Variants in ERBB4 observed in about 807,000 individuals in gnomAD.
ERBB4 encodes the protein erb-b2 receptor tyrosine kinase 4.
In ERBB4, 42 loss-of-function variants were observed where a neutral mutation model predicts 158.0. The observed-to-expected ratio is 0.27, with a 90% CI of 0.21 to 0.34. The LOEUF (loss-of-function observed/expected upper bound fraction) is 0.34. Among genes scored for constraint, ERBB4 ranks in the 10% least tolerant of loss-of-function variants. The pLI is 1.00. For synonymous variants in ERBB4, 583 were observed against 558.7 expected (o/e 1.04, Z -0.61); for missense variants, 1,333 against 1,624.1 (o/e 0.82, Z 3.08).
At chr2:211,838,068 T>C (rs1393034482) in intron 3 of ERBB4, among the ~76,000 whole-genome samples, 1 of 151,956 alleles carries the variant, frequency 6.6e-6, no homozygotes, top group Non-Finnish European at 1.5e-5. Flanking sequence ...GTAATGACTG[T>C]GAAATCAGAG....
chr2:212,423,080 A>G (rs1220060086), intron 1 of ERBB4, among the ~76,000 whole-genome samples: 2 of 152,154 alleles, frequency 1.3e-5, no homozygotes, highest in Non-Finnish European at 1.5e-5. Flanking sequence ...TGAAAAATGT[A>G]AAGTAATCTG....
At chr2:211,472,634 C>G (rs2064855819) in intron 20 of ERBB4, among the ~76,000 whole-genome samples, 1 of 151,780 alleles carries the variant, frequency 6.6e-6, no homozygotes, top group Non-Finnish European at 1.5e-5. Context: ...TCATGCTTTC[C>G]CAACTACATC....
chr2:211,539,512 CAT>C (rs1559274843), intron 20 of ERBB4, among the ~76,000 whole-genome samples: 2 of 151,950 alleles, frequency 1.3e-5, no homozygotes, highest in Admixed American at 6.6e-5. Context: ...ACTAGTGACT[CAT>C]ATATAATTTG....
intron 3 of ERBB4, among the ~76,000 whole-genome samples, chr2:211,839,603 C>T (rs546789821): frequency 6.6e-5 from 10 of 151,986 alleles, no homozygotes; most frequent in Non-Finnish European, 1.2e-4. Flanking sequence ...ACAATAACTG[C>T]ATATTTCTTA....
At chr2:212,096,904 C>T (rs902505513) in intron 2 of ERBB4, among the ~76,000 whole-genome samples, 2 of 152,106 alleles carry the variant, frequency 1.3e-5, no homozygotes, top group African/African-American at 4.8e-5. Context: ...TACATTGATC[C>T]TACTTCCATT....
In ERBB4 at chr2:211,839,152, AAGGAGGAGGAGGAGG is replaced by A. The variant is rs71409858; in HGVS notation, c.422-51008_422-50994del. On this transcript the variant is annotated intron_variant, in intron 3 of 27. Transcript: ENST00000342788. ...GAGAGAGGGAGAGAGGGAGAGAGAG[AAGGAGGAGGAGGAGG>A]AGGAGGAGGAGGAGGAGGAGGAGGA... 6.9e-3 allele frequency among the ~76,000 whole-genome samples: 769 copies of A among 110,896 alleles called. 9 individuals carry two copies. Among genetic ancestry groups the A allele is most frequent in the African/African-American group, 0.026 (716 of 27,040 alleles). 72.8% of individuals were successfully genotyped at this position (110,896 alleles called of 152,430 possible).
chr2:212,538,633 T>C lies in ERBB4; in HGVS notation c.-103A>G. 1.6e-6 allele frequency: 2 copies of C among 1,239,942 alleles called. No individual in the cohort carries two copies. Among genetic ancestry groups the C allele is most frequent in the Non-Finnish European group, 2.3e-6 (2 of 853,760 alleles). 76.8% of individuals were successfully genotyped at this position (1,239,942 alleles called of 1,614,324 possible). A position where few individuals can be genotyped will look rare whatever the true frequency, so the allele number is the denominator to read the frequency against. ...TCCCCCAGCCGGGCGCGCGTGGGGG[T>C]GCGAGGGGGGCGGGCGCGGCGCGCG... On this transcript the variant is annotated 5_prime_UTR_variant, in exon 1 of 28. Transcript: ENST00000342788.
At chr2:211,428,595 T>C in intron 21 of ERBB4, 112 bp from the exon 22 acceptor site, 1 of 625,720 alleles carries the variant, frequency 1.6e-6, no homozygotes. Flanking sequence ...TTTTATTATG[T>C]GTGTATAGAT....
At chr2:212,053,174 G>T (rs1033303460) in intron 2 of ERBB4, among the ~76,000 whole-genome samples, 1 of 152,068 alleles carries the variant, frequency 6.6e-6, no homozygotes, top group Non-Finnish European at 1.5e-5. Flanking sequence ...GAGTGAGGCC[G>T]TGTCTCAATC....
At chr2:211,688,625 A>G (rs191052839) in intron 12 of ERBB4, among the ~76,000 whole-genome samples, 49 of 152,280 alleles carry the variant, frequency 3.2e-4, no homozygotes, top group Admixed American at 2.2e-3. Context: ...AGAAGTGAAC[A>G]TCTTATATTT....
intron 2 of ERBB4, among the ~76,000 whole-genome samples, chr2:212,018,664 A>G (rs1439305336): frequency 3.3e-5 from 5 of 152,190 alleles, no homozygotes; most frequent in African/African-American, 9.6e-5. Flanking sequence ...TAGGGTTCAT[A>G]GAACACATTA....
chr2:212,404,355 A>G (rs2091287841), intron 1 of ERBB4, among the ~76,000 whole-genome samples: 1 of 152,034 alleles, frequency 6.6e-6, no homozygotes, highest in African/African-American at 2.4e-5. Context: ...CCCAGGCAGA[A>G]GTAATCACTC....
intron 1 of ERBB4, among the ~76,000 whole-genome samples, chr2:212,240,219 G>T (rs1268308708): frequency 1.3e-5 from 2 of 152,062 alleles, no homozygotes; most frequent in Non-Finnish European, 2.9e-5. Context: ...ATGGTACCTT[G>T]GCTTTTTAGA....
rs115022082 is a variant in ERBB4, at chr2:211,987,166, C to T, written c.235-39550G>A. 8.9e-3 allele frequency among the ~76,000 whole-genome samples: 1,350 copies of T among 151,584 alleles called. 17 individuals carry two copies. The highest frequency in any genetic ancestry group is 0.031 in the African/African-American group (1,282 of 41,334). On this transcript the variant is annotated intron_variant, in intron 2 of 27. Transcript: ENST00000342788. Reference sequence around the variant, plus strand: ...CAAAACCTGGTCTCTACTAAACACACAAAAATTAGCCAGGCTTGGTGGCAG... The same window carrying T: ...CAAAACCTGGTCTCTACTAAACACATAAAAATTAGCCAGGCTTGGTGGCAG...
intron 1 of ERBB4, among the ~76,000 whole-genome samples, chr2:212,174,321 A>G (rs1203245002): frequency 2.6e-5 from 4 of 152,156 alleles, no homozygotes; most frequent in Non-Finnish European, 4.4e-5. Flanking sequence ...TCTATAGCCT[A>G]TCTGATGACT....
chr2:212,107,320 T>G (rs1456544492), intron 2 of ERBB4, among the ~76,000 whole-genome samples: 1 of 152,190 alleles, frequency 6.6e-6, no homozygotes, highest in African/African-American at 2.4e-5. Flanking sequence ...GATCTTTTTT[T>G]TTGGAGCTTT....
At chr2:212,520,163 A>C (rs1004522932) in intron 1 of ERBB4, among the ~76,000 whole-genome samples, 5 of 151,932 alleles carry the variant, frequency 3.3e-5, no homozygotes, top group African/African-American at 1.2e-4. Flanking sequence ...ATTTATGATC[A>C]ATCATTGGTT....
intron 25 of ERBB4, among the ~76,000 whole-genome samples, chr2:211,410,880 T>TAA (rs113781719): frequency 6.6e-6 from 1 of 152,074 alleles, no homozygotes; most frequent in African/African-American, 2.4e-5. Flanking sequence ...TAACAATTTG[T>TAA]AAAAAAAACC....
At chr2:211,502,095 G>A (rs2065631291) in intron 20 of ERBB4, among the ~76,000 whole-genome samples, 1 of 152,088 alleles carries the variant, frequency 6.6e-6, no homozygotes, top group Admixed American at 6.5e-5. Context: ...GGAATATTGG[G>A]ATATTACAGC....
Sources: gnomAD v4.1 joint callset for allele counts (sites outside exome capture counted in the v4.1 genomes callset) on GRCh38, gnomAD v4.1.1 for gene constraint, MANE v1.5 for transcripts, NCBI Gene and HGNC (gene_info 2026-07-23, HGNC 2026-07-21) for gene names.